The following RNF4 variants were observed in gnomAD, a reference collection of about 807,000 sequenced individuals.
The protein encoded by RNF4 is E3 ubiquitin-protein ligase RNF4.
In RNF4, 7 loss-of-function variants were observed where a neutral mutation model predicts 24.3. That is an observed-to-expected ratio of 0.29 (90% CI 0.16 to 0.54). RNF4 has a LOEUF of 0.54. Ranked by LOEUF, RNF4 falls within the 20% of genes least tolerant of loss-of-function variation. The probability of loss-of-function intolerance (pLI) is 0.95; values close to 1 mark genes in which losing one functional copy is unlikely to be tolerated. For synonymous variants in RNF4, 83 were observed against 84.3 expected, an observed-to-expected ratio of 0.98 and a Z score of 0.09; for missense variants, 209 against 248.5, an observed-to-expected ratio of 0.84 and a Z score of 1.07.
chr4:2,474,648 T>G (rs1181897901), intron 1 of RNF4, among the ~76,000 whole-genome samples: 1 of 152,206 alleles, frequency 6.6e-6, no homozygotes, highest in Non-Finnish European at 1.5e-5. Context: ...GTGGGTAAAA[T>G]GCTGTCACAC....
At chr4:2,487,889 T>C (rs1735458901) in intron 1 of RNF4, among the ~76,000 whole-genome samples, 1 of 152,188 alleles carries the variant, frequency 6.6e-6, no homozygotes, top group African/African-American at 2.4e-5. Flanking sequence ...CAGTATGCCA[T>C]TTTCTCAGAA....
At chr4:2,471,473 C>G (rs1348477704) in intron 1 of RNF4, among the ~76,000 whole-genome samples, 3 of 138,608 alleles carry the variant, frequency 2.2e-5, no homozygotes, top group Non-Finnish European at 4.9e-5. Flanking sequence ...GTCAGTGACC[C>G]TACAGTGTCC....
At chr4:2,500,987 C>CT (rs1735893402) in intron 4 of RNF4, among the ~76,000 whole-genome samples, 1 of 152,222 alleles carries the variant, frequency 6.6e-6, no homozygotes. Context: ...TTGTTATAGC[C>CT]TTGTCGCCTA....
At chr4:2,495,221 A>G (rs1230089103) in intron 2 of RNF4, among the ~76,000 whole-genome samples, 1 of 152,182 alleles carries the variant, frequency 6.6e-6, no homozygotes, top group Non-Finnish European at 1.5e-5. Flanking sequence ...CTTCATTTCC[A>G]AAACATCTCA....
rs1736388198 is a variant in RNF4, at chr4:2,515,454, C to CGTG, written c.*1635_*1636insGTG. The CGTG allele has an allele frequency of 6.6e-6, 1 of 152,448 alleles. No homozygotes were observed. Among genetic ancestry groups the CGTG allele is most frequent in the Non-Finnish European group, 1.5e-5 (1 of 68,046 alleles). The allele number at this position is 152,448 out of a possible 1,614,324, so 9.4% of individuals were successfully genotyped here. On this transcript the variant is annotated 3_prime_UTR_variant, in exon 8 of 8. Transcript: ENST00000314289. ...GATGTGTAGCATGTCTGCCCTCTGA[C>CGTG]TGGACATCATTGCCATTAACTTTCT...
chr4:2,489,389 C>G (rs1735512354), intron 1 of RNF4, among the ~76,000 whole-genome samples: 1 of 152,152 alleles, frequency 6.6e-6, no homozygotes, highest in South Asian at 2.1e-4. Context: ...GCGTTCCTGT[C>G]GTTTCCGCCA....
Position 2,490,379 on chromosome 4 carries a change from G to C in RNF4, c.-115G>C, listed in dbSNP as rs1735543279. 4.1e-6 allele frequency: 4 copies of C among 971,252 alleles called. No homozygotes were observed. In the South Asian group the frequency reaches 4.6e-5, roughly 11 times the overall value. The allele number at this position is 971,252 out of a possible 1,614,324, so 60.2% of individuals were successfully genotyped here. On this transcript the variant is annotated 5_prime_UTR_variant, in exon 2 of 8. Coordinates refer to ENST00000314289, the MANE Select transcript of RNF4 (RefSeq NM_002938.5). Reference sequence around the variant, plus strand: ...AATCTGTCCGGATCCAAATTATTTTGCAAGCCAGATGAGTAACCAGAGGGC... The same window carrying C: ...AATCTGTCCGGATCCAAATTATTTTCCAAGCCAGATGAGTAACCAGAGGGC...
chr4:2,488,476 A>AAC (rs1735479914), intron 1 of RNF4, among the ~76,000 whole-genome samples: 1 of 152,064 alleles, frequency 6.6e-6, no homozygotes, highest in African/African-American at 2.4e-5. Context: ...ACAACAACAA[A>AAC]AAAAAACTGA....
intron 3 of RNF4, among the ~76,000 whole-genome samples, chr4:2,498,255 C>T (rs758060953): frequency 3.9e-5 from 6 of 152,112 alleles, no homozygotes; most frequent in Non-Finnish European, 7.3e-5. Context: ...GTGATCTCGG[C>T]TCACTGCAAC....
At chr4:2,489,312 A>G (rs901625202) in intron 1 of RNF4, among the ~76,000 whole-genome samples, 2 of 152,210 alleles carry the variant, frequency 1.3e-5, no homozygotes. Flanking sequence ...ATGAGCAGGC[A>G]TGGTAATGGT....
At chr4:2,476,284 T>C (rs1735069113) in intron 1 of RNF4, among the ~76,000 whole-genome samples, 1 of 152,214 alleles carries the variant, frequency 6.6e-6, no homozygotes, top group South Asian at 2.1e-4. Flanking sequence ...ACCTTCTTGA[T>C]GTCTTCCAGT....
Position 2,497,067 on chromosome 4 carries a change from A to G in RNF4, c.70A>G (p.Thr24Ala), listed in dbSNP as rs368998654. ...RQAQKRTREA[T>A]STPEISLEAE... Reference sequence around the variant, plus strand: ...AGCTCAGAAGCGAACTCGGGAAGCAACCTCCACCCCCGAGATCTCCTTGGA... The same window carrying G: ...AGCTCAGAAGCGAACTCGGGAAGCAGCCTCCACCCCCGAGATCTCCTTGGA... The change falls in exon 3 of 8, where the codon ACC (threonine) becomes GCC (alanine). Residue 24 changes from threonine to alanine, a missense_variant. Thr to Ala is a moderately conservative substitution (Grantham distance 58, BLOSUM62 0). Transcript: ENST00000314289. The G allele has an allele frequency of 1.2e-5, 19 of 1,609,608 alleles. No individual in the cohort carries two copies. The highest frequency in any genetic ancestry group is 1.1e-4 in the East Asian group (5 of 44,764).
At chr4:2,485,978 A>G (rs181379519) in intron 1 of RNF4, among the ~76,000 whole-genome samples, 4 of 152,104 alleles carry the variant, frequency 2.6e-5, no homozygotes, top group South Asian at 2.1e-4. Context: ...TGTTCCCGCT[A>G]GTTTCTGGAA....
intron 1 of RNF4, among the ~76,000 whole-genome samples, chr4:2,485,027 C>T (rs531703283): frequency 6.6e-6 from 1 of 152,318 alleles, no homozygotes; most frequent in East Asian, 1.9e-4. Flanking sequence ...CCACACAGTG[C>T]TCGTGTGGGA....
chr4:2,483,514 G>T (rs1326640497), intron 1 of RNF4, among the ~76,000 whole-genome samples: 1 of 152,212 alleles, frequency 6.6e-6, no homozygotes, highest in Non-Finnish European at 1.5e-5. Context: ...TGTTTAAGAG[G>T]TGTTTGTGAA....
At chr4:2,499,261 A>C (rs1327848645) in intron 3 of RNF4, 1 of 448,944 alleles carries the variant, frequency 2.2e-6, no homozygotes. Flanking sequence ...ACTGTTTCTT[A>C]AAAAACTTCA....
At chr4:2,491,268 G>A (rs113343869) in intron 2 of RNF4, among the ~76,000 whole-genome samples, 1 of 152,148 alleles carries the variant, frequency 6.6e-6, no homozygotes, top group East Asian at 1.9e-4. Flanking sequence ...ACAGGGTCTC[G>A]CTCTGTCACC....
chr4:2,479,153 A>G (rs893117069), intron 1 of RNF4, among the ~76,000 whole-genome samples: 2 of 152,106 alleles, frequency 1.3e-5, no homozygotes, highest in Non-Finnish European at 2.9e-5. Context: ...GTTTTGGCCA[A>G]TTTCTCCCAT....
intron 2 of RNF4, among the ~76,000 whole-genome samples, chr4:2,495,443 T>C (rs559616428): frequency 2.0e-5 from 3 of 152,318 alleles, no homozygotes; most frequent in South Asian, 2.1e-4. Flanking sequence ...CGCAGTACTT[T>C]ACATACATGA....
Sources: gnomAD v4.1 joint callset for allele counts (sites outside exome capture counted in the v4.1 genomes callset) on GRCh38, gnomAD v4.1.1 for gene constraint, MANE v1.5 for transcripts, NCBI Gene and HGNC (gene_info 2026-07-23, HGNC 2026-07-21) for gene names.